FHIP1A: variants seen among roughly 807,000 people sequenced by gnomAD.
The protein encoded by FHIP1A is FHF complex subunit HOOK-interacting protein 1A.
FHIP1A carries 61 observed loss-of-function variants against 88.6 expected under a neutral mutation model. That is an observed-to-expected ratio of 0.69 (90% CI 0.56 to 0.85). The LOEUF is 0.85. Ranked by LOEUF, FHIP1A falls within the 40% of genes least tolerant of loss-of-function variation. The pLI is 0.00. For synonymous variants in FHIP1A, 478 were observed against 496.0 expected, an observed-to-expected ratio of 0.96 and a Z score of 0.48; for missense variants, 1,154 against 1,273.5, an observed-to-expected ratio of 0.91 and a Z score of 1.43.
chr4:151,468,887 T>A (rs1375121338), intron 2 of FHIP1A, among the ~76,000 whole-genome samples: 1 of 152,188 alleles, frequency 6.6e-6, no homozygotes, highest in African/African-American at 2.4e-5. Flanking sequence ...TACTTTGTTA[T>A]CATTATGAAC....
chr4:151,645,338 A>G (rs1231896487), intron 9 of FHIP1A, among the ~76,000 whole-genome samples: 1 of 152,122 alleles, frequency 6.6e-6, no homozygotes, highest in Non-Finnish European at 1.5e-5. Flanking sequence ...TTCAGCATCA[A>G]GTACCACACA....
intron 2 of FHIP1A, among the ~76,000 whole-genome samples, chr4:151,473,080 G>GT (rs1380844633): frequency 3.3e-5 from 5 of 152,028 alleles, no homozygotes; most frequent in African/African-American, 1.2e-4. Context: ...TTATGTCTCT[G>GT]TTTTTTGTCG....
rs141418908 is a variant in FHIP1A at position 151,657,782 on chromosome 4, C to T, written c.2869+884C>T. Among the ~76,000 whole-genome samples the T allele has an allele frequency of 7.9e-5, 12 of 152,276 alleles. No homozygotes were observed. The East Asian group carries it at 1.7e-3, about 22-fold the overall frequency. ...GATCAGAAACAAGACTGGCAGTGAG[C>T]GGCAGAAATGAAACTCAGGGCAATT... On this transcript the variant is annotated intron_variant, in intron 13 of 13. Coordinates refer to ENST00000435205, the MANE Select transcript of FHIP1A (RefSeq NM_001109977.3).
intron 3 of FHIP1A, among the ~76,000 whole-genome samples, chr4:151,485,828 A>G (rs939236937): frequency 2.0e-5 from 3 of 152,056 alleles, no homozygotes; most frequent in Non-Finnish European, 4.4e-5. Flanking sequence ...AGTTCAAGCA[A>G]TCTGCCCGCC....
chr4:151,562,754 G>A (rs6535806), intron 3 of FHIP1A, among the ~76,000 whole-genome samples: 48,501 of 152,076 alleles, frequency 0.32, 7,768 homozygotes, highest in Non-Finnish European at 0.33. Context: ...AGTTCAGGAG[G>A]AAATGCGATT....
chr4:151,416,548 A>T (rs1732898389), intron 1 of FHIP1A, among the ~76,000 whole-genome samples: 1 of 152,150 alleles, frequency 6.6e-6, no homozygotes, highest in Non-Finnish European at 1.5e-5. Flanking sequence ...GTATATAGTG[A>T]TATAAGGAAT....
intron 3 of FHIP1A, among the ~76,000 whole-genome samples, chr4:151,497,510 G>A (rs1049503700): frequency 6.6e-6 from 1 of 152,114 alleles, no homozygotes; most frequent in South Asian, 2.1e-4. Flanking sequence ...TTACTCTCTG[G>A]CCTCTTATAG....
intron 9 of FHIP1A, among the ~76,000 whole-genome samples, chr4:151,644,283 C>T (rs961147481): frequency 2.0e-5 from 3 of 151,960 alleles, no homozygotes; most frequent in Non-Finnish European, 4.4e-5. Context: ...ACCCCCAAAC[C>T]CCCCACCCAA....
intron 7 of FHIP1A, among the ~76,000 whole-genome samples, chr4:151,599,387 GA>G (rs1734773747): frequency 6.6e-6 from 1 of 152,194 alleles, no homozygotes; most frequent in Admixed American, 6.5e-5. Context: ...CAGAGAAGCA[GA>G]TGCCAAGATA....
At chr4:151,578,294 AG>A (rs1733884728) in intron 5 of FHIP1A, among the ~76,000 whole-genome samples, 1 of 152,152 alleles carries the variant, frequency 6.6e-6, no homozygotes, top group African/African-American at 2.4e-5. Flanking sequence ...CCAACAAAGG[AG>A]GCTAGATGTG....
intron 3 of FHIP1A, among the ~76,000 whole-genome samples, chr4:151,558,837 A>G (rs1733060650): frequency 6.6e-6 from 1 of 152,226 alleles, no homozygotes; most frequent in Non-Finnish European, 1.5e-5. Context: ...GATTAATTTT[A>G]CAAATTCCTA....
At chr4:151,512,909 C>G (rs1014223975) in intron 3 of FHIP1A, among the ~76,000 whole-genome samples, 4 of 152,292 alleles carry the variant, frequency 2.6e-5, no homozygotes, top group African/African-American at 7.2e-5. Flanking sequence ...CTTTCCCAAT[C>G]TAGCAAGGCA....
At chr4:151,508,792 A>G (rs1730922164) in intron 3 of FHIP1A, among the ~76,000 whole-genome samples, 1 of 152,104 alleles carries the variant, frequency 6.6e-6, no homozygotes, top group African/African-American at 2.4e-5. Flanking sequence ...AGCGGAGCAA[A>G]CAGCCTGCTC....
At chr4:151,470,296 C>T (rs148298874) in intron 2 of FHIP1A, among the ~76,000 whole-genome samples, 1 of 152,274 alleles carries the variant, frequency 6.6e-6, no homozygotes, top group Non-Finnish European at 1.5e-5. Context: ...AGTCAATAAA[C>T]AGATGCTGTG....
intron 1 of FHIP1A, among the ~76,000 whole-genome samples, chr4:151,417,526 A>G (rs187448228): frequency 5.3e-5 from 8 of 152,320 alleles, no homozygotes; most frequent in Non-Finnish European, 1.2e-4. Context: ...AGGTACTTTC[A>G]GATTTTTATC....
At chr4:151,452,693 C>T (rs539228565) in intron 1 of FHIP1A, among the ~76,000 whole-genome samples, 1 of 151,942 alleles carries the variant, frequency 6.6e-6, no homozygotes, top group South Asian at 2.1e-4. Flanking sequence ...ATGAGAATTG[C>T]TTGAACCCAG....
intron 5 of FHIP1A, among the ~76,000 whole-genome samples, chr4:151,581,578 G>A (rs190855454): frequency 1.3e-5 from 2 of 152,204 alleles, no homozygotes; most frequent in East Asian, 3.9e-4. Context: ...ATCTCCAGCT[G>A]ACCTTGTTTG....
At position 151,665,223 on chromosome 4, in the gene FHIP1A, C is replaced by T. The variant is rs116493486; in HGVS notation, c.*2469C>T. Among the ~76,000 whole-genome samples the T allele has an allele frequency of 3.4e-3, 520 of 152,282 alleles. 3 individuals are homozygous for T. Among genetic ancestry groups the T allele is most frequent in the African/African-American group, 0.012 (493 of 41,558 alleles). ...AAGTCCTGGGCTCAAGTGATCGTCC[C>T]GCCTTGGCCTCCCGAAGTGCTGGGA... On this transcript the variant is annotated 3_prime_UTR_variant, in exon 14 of 14. Coordinates refer to ENST00000435205, the MANE Select transcript of FHIP1A (RefSeq NM_001109977.3).
At chr4:151,479,237 C>T (rs1178680984) in intron 2 of FHIP1A, among the ~76,000 whole-genome samples, 3 of 152,088 alleles carry the variant, frequency 2.0e-5, no homozygotes, top group Non-Finnish European at 4.4e-5. Flanking sequence ...GCTTCTACCT[C>T]TGTCTTCATC....
Sources: allele counts gnomAD v4.1 joint callset (sites outside exome capture counted in the v4.1 genomes callset), GRCh38; gene constraint gnomAD v4.1.1; transcripts MANE v1.5; gene names NCBI Gene and HGNC (gene_info 2026-07-23, HGNC 2026-07-21).